Variants in CPA6 observed in about 807,000 individuals in gnomAD.
CPA6 encodes the protein carboxypeptidase B.
A neutral mutation model predicts 63.3 loss-of-function variants in CPA6; 58 were observed. The ratio of observed to expected loss-of-function variants is 0.92; its 90% CI spans 0.74 to 1.14. CPA6 has a LOEUF of 1.14. Ranked by LOEUF, CPA6 falls within the 50% of genes most tolerant of loss-of-function variation. The probability of loss-of-function intolerance (pLI) is 0.00; values close to 1 mark genes in which losing one functional copy is unlikely to be tolerated. For synonymous variants in CPA6, 185 were observed against 179.0 expected, an observed-to-expected ratio of 1.03 and a Z score of -0.27; for missense variants, 565 against 526.6, an observed-to-expected ratio of 1.07 and a Z score of -0.71.
At chr8:67,466,090 T>G (rs1369871080) in intron 8 of CPA6, among the ~76,000 whole-genome samples, 4 of 150,302 alleles carry the variant, frequency 2.7e-5, no homozygotes, top group Admixed American at 1.3e-4. Context: ...GCTTGTTTTT[T>G]TTTTTTTTTT....
chr8:67,682,301 T>G (rs761414862), intron 1 of CPA6, among the ~76,000 whole-genome samples: 15 of 152,358 alleles, frequency 9.8e-5, no homozygotes, highest in Admixed American at 7.8e-4. Context: ...TCTTTTATTC[T>G]GTCTTGTCTA....
chr8:67,530,512 C>T (rs2380414), intron 2 of CPA6, among the ~76,000 whole-genome samples: 68,578 of 151,938 alleles, frequency 0.45, 19,905 homozygotes, highest in African/African-American at 0.83. Flanking sequence ...CTCCCCACTC[C>T]AATATAGCTA....
intron 1 of CPA6, among the ~76,000 whole-genome samples, chr8:67,718,341 A>T (rs887600049): frequency 1.3e-5 from 2 of 152,168 alleles, no homozygotes; most frequent in Non-Finnish European, 2.9e-5. Context: ...AGCCAGAGAA[A>T]ATAAGAACTT....
intron 1 of CPA6, among the ~76,000 whole-genome samples, chr8:67,636,181 A>G (rs1815464893): frequency 6.6e-6 from 1 of 151,448 alleles, no homozygotes; most frequent in South Asian, 2.1e-4. Context: ...TTGAATGTAA[A>G]CAAGCAGATA....
intron 8 of CPA6, among the ~76,000 whole-genome samples, chr8:67,447,504 TATAC>T (rs1409108323): frequency 3.4e-5 from 4 of 119,176 alleles, no homozygotes; most frequent in Non-Finnish European, 5.1e-5. Context: ...GATATGTGTG[TATAC>T]ACACACACAC....
At chr8:67,577,134 C>T (rs1353128996) in intron 2 of CPA6, among the ~76,000 whole-genome samples, 2 of 152,096 alleles carry the variant, frequency 1.3e-5, no homozygotes, top group African/African-American at 2.4e-5. Flanking sequence ...GGATTATAGG[C>T]CTGAGTCACC....
At chr8:67,550,242 A>T (rs2128972721) in intron 2 of CPA6, among the ~76,000 whole-genome samples, 1 of 151,918 alleles carries the variant, frequency 6.6e-6, no homozygotes, top group Middle Eastern at 3.4e-3. Context: ...TGTCATCTTT[A>T]TGTCCGTGAG....
intron 6 of CPA6, among the ~76,000 whole-genome samples, chr8:67,494,240 G>A (rs540368039): frequency 6.6e-6 from 1 of 151,492 alleles, no homozygotes; most frequent in South Asian, 2.1e-4. Flanking sequence ...GTCATGAAGG[G>A]TTTTCTTCAT....
At chr8:67,727,022 C>T (rs1278766127) in intron 1 of CPA6, among the ~76,000 whole-genome samples, 1 of 152,110 alleles carries the variant, frequency 6.6e-6, no homozygotes, top group South Asian at 2.1e-4. Context: ...GCAATTCTTG[C>T]TATAGGGTTG....
chr8:67,534,876 C>T (rs7836788), intron 2 of CPA6, among the ~76,000 whole-genome samples: 2 of 149,868 alleles, frequency 1.3e-5, no homozygotes, highest in Non-Finnish European at 1.5e-5. Context: ...TTGCCCCCCA[C>T]CCCCCGACAG....
rs187385052 is a variant in CPA6 at position 67,434,701 on chromosome 8, C to G, written c.839-461G>C. Among the ~76,000 whole-genome samples, 20 of 152,204 alleles carry G rather than the reference C, an allele frequency of 1.3e-4. No individual in the cohort carries two copies. The East Asian group carries it at 1.9e-3, about 15-fold the overall frequency. On this transcript the variant is annotated intron_variant, in intron 8 of 10. Coordinates refer to ENST00000297770, the MANE Select transcript of CPA6 (RefSeq NM_020361.5). ...AACAACACAAGTCTCATGGCCGCAG[C>G]AGCTGCAGCTGCAGCAGTGGCAGCA... is the stretch of plus-strand genomic sequence containing the variant.
chr8:67,745,951 G>C, intron 1 of CPA6, 63 bp downstream of exon 1: 1 of 1,251,420 alleles, frequency 8.0e-7, no homozygotes, highest in Non-Finnish European at 1.1e-6. Context: ...GGCACACTCT[G>C]GAGCAAACCA....
chr8:67,422,976 C>T (rs1315311316), intron 10 of CPA6, among the ~76,000 whole-genome samples: 1 of 152,214 alleles, frequency 6.6e-6, no homozygotes, highest in Non-Finnish European at 1.5e-5. Context: ...TATGTTCATC[C>T]CCACTTCATT....
At chr8:67,587,324 G>A (rs1364173725) in intron 2 of CPA6, among the ~76,000 whole-genome samples, 8 of 152,140 alleles carry the variant, frequency 5.3e-5, no homozygotes, top group Non-Finnish European at 8.8e-5. Context: ...CTCAGGAGGG[G>A]GACTTCTAAG....
intron 8 of CPA6, among the ~76,000 whole-genome samples, chr8:67,459,544 A>G (rs988163822): frequency 2.0e-5 from 3 of 152,234 alleles, no homozygotes; most frequent in East Asian, 1.9e-4. Context: ...TTCCAACTAG[A>G]TGACATTCTG....
At chr8:67,518,502 T>C (rs1812194897) in intron 2 of CPA6, among the ~76,000 whole-genome samples, 2 of 130,128 alleles carry the variant, frequency 1.5e-5, no homozygotes, top group African/African-American at 6.4e-5. Flanking sequence ...TCTTTTTCTT[T>C]TCTTTTCTTT....
intron 2 of CPA6, among the ~76,000 whole-genome samples, chr8:67,617,040 T>A (rs949895638): frequency 6.6e-6 from 1 of 152,226 alleles, no homozygotes; most frequent in African/African-American, 2.4e-5. Flanking sequence ...ACAATTAGTC[T>A]CAAAACAGAT....
intron 1 of CPA6, among the ~76,000 whole-genome samples, chr8:67,630,083 C>A (rs1260208665): frequency 1.3e-5 from 2 of 149,792 alleles, no homozygotes; most frequent in Non-Finnish European, 3.0e-5. Flanking sequence ...CCAGTCCGGG[C>A]GACAGAGTGA....
At chr8:67,430,328 C>T (rs1009812456) in intron 9 of CPA6, among the ~76,000 whole-genome samples, 1 of 151,564 alleles carries the variant, frequency 6.6e-6, no homozygotes, top group Non-Finnish European at 1.5e-5. Context: ...TACAGGCACC[C>T]GCGACCACGC....
Sources: allele counts gnomAD v4.1 joint callset (sites outside exome capture counted in the v4.1 genomes callset), GRCh38; gene constraint gnomAD v4.1.1; transcripts MANE v1.5; gene names NCBI Gene and HGNC (gene_info 2026-07-23, HGNC 2026-07-21).